SLC9A9: variants seen among roughly 807,000 people sequenced by gnomAD.
The protein encoded by SLC9A9 is sodium/hydrogen exchanger 9.
Under a neutral mutation model 77.8 loss-of-function variants are expected in SLC9A9, and 62 were observed. The ratio of observed to expected loss-of-function variants is 0.80; its 90% CI spans 0.65 to 0.98. The LOEUF (loss-of-function observed/expected upper bound fraction) is 0.98, where lower values mean the gene tolerates loss of function less well. Ranked by LOEUF, SLC9A9 falls within the 50% of genes least tolerant of loss-of-function variation. SLC9A9 has a pLI of 0.00. For missense variants in SLC9A9, 775 were observed against 774.9 expected, an observed-to-expected ratio of 1.00 and a Z score of 0.00; for synonymous variants, 320 against 283.5, an observed-to-expected ratio of 1.13 and a Z score of -1.29.
chr3:143,269,545 T>G (rs957451155), intron 14 of SLC9A9, among the ~76,000 whole-genome samples: 2 of 152,228 alleles, frequency 1.3e-5, no homozygotes, highest in African/African-American at 4.8e-5. Context: ...TTTATTCTGT[T>G]GTCTAGCACC....
In SLC9A9 at chr3:143,777,227, G is replaced by T. The variant is rs74578456; in HGVS notation, c.533+17774C>A. On this transcript the variant is annotated intron_variant, in intron 4 of 15. Coordinates refer to ENST00000316549, the MANE Select transcript of SLC9A9 (RefSeq NM_173653.4). ...TAAAACTGGACAATCAGAGTTACTC[G>T]AAGATCAGCTGCCTCAAATAAACTT... Among the ~76,000 whole-genome samples, 14 of 152,208 alleles carry T rather than the reference G, an allele frequency of 9.2e-5. No individual in the cohort carries two copies. In the South Asian group the frequency reaches 2.7e-3, roughly 29 times the overall value.
chr3:143,301,342 T>G (rs2030506243), intron 14 of SLC9A9, among the ~76,000 whole-genome samples: 1 of 152,228 alleles, frequency 6.6e-6, no homozygotes, highest in African/African-American at 2.4e-5. Context: ...TCCTCTTCTA[T>G]TCACACATAG....
chr3:143,826,549 CT>C (rs1559816582), intron 2 of SLC9A9, among the ~76,000 whole-genome samples: 2 of 152,146 alleles, frequency 1.3e-5, no homozygotes, highest in South Asian at 4.1e-4. Flanking sequence ...GCACACTATC[CT>C]TTTGCTTTTG....
chr3:143,411,927 A>C (rs1353022907), intron 12 of SLC9A9, among the ~76,000 whole-genome samples: 1 of 152,172 alleles, frequency 6.6e-6, no homozygotes, highest in Non-Finnish European at 1.5e-5. Flanking sequence ...GTGAACAACA[A>C]GCAGACAAAC....
chr3:143,691,095 G>A (rs556111927), intron 5 of SLC9A9, among the ~76,000 whole-genome samples: 1 of 152,214 alleles, frequency 6.6e-6, no homozygotes, highest in South Asian at 2.1e-4. Context: ...CTGTGGTTGA[G>A]CCTGAGATTT....
At chr3:143,283,675 C>A (rs945460603) in intron 14 of SLC9A9, among the ~76,000 whole-genome samples, 2 of 152,170 alleles carry the variant, frequency 1.3e-5, no homozygotes, top group African/African-American at 4.8e-5. Context: ...TGGTTTCAGG[C>A]CCAAGATCAA....
At chr3:143,639,012 C>T (rs908830271) in intron 6 of SLC9A9, among the ~76,000 whole-genome samples, 1 of 152,158 alleles carries the variant, frequency 6.6e-6, no homozygotes, top group Admixed American at 6.5e-5. Context: ...AGAAAAAATC[C>T]AGACTTGGTC....
intron 14 of SLC9A9, among the ~76,000 whole-genome samples, chr3:143,292,632 T>A (rs1028668309): frequency 6.6e-6 from 1 of 152,130 alleles, no homozygotes; most frequent in African/African-American, 2.4e-5. Flanking sequence ...TCCCTTCCTA[T>A]GGTAATAGGA....
chr3:143,666,708 G>T (rs1242046), intron 5 of SLC9A9, among the ~76,000 whole-genome samples: 50,212 of 151,994 alleles, frequency 0.33, 9,848 homozygotes, highest in African/African-American at 0.56. Flanking sequence ...GAGAGCCAAA[G>T]CATGAGTGAA....
chr3:143,386,299 T>TAC (rs1333076890), intron 12 of SLC9A9, among the ~76,000 whole-genome samples: 2 of 152,224 alleles, frequency 1.3e-5, no homozygotes, highest in Non-Finnish European at 2.9e-5. Context: ...GGGCAAGCTC[T>TAC]ACAGTATACA....
chr3:143,331,350 G>T (rs901796277), intron 14 of SLC9A9, among the ~76,000 whole-genome samples: 2 of 152,164 alleles, frequency 1.3e-5, no homozygotes, highest in African/African-American at 4.8e-5. Flanking sequence ...ACTCTGCAGG[G>T]CTGCCTTAAA....
At chr3:143,450,795 T>C (rs554698565) in intron 12 of SLC9A9, among the ~76,000 whole-genome samples, 46 of 152,184 alleles carry the variant, frequency 3.0e-4, no homozygotes, top group African/African-American at 1.1e-3. Context: ...CAGGCTGCAG[T>C]GGAGGCAGCA....
rs568499548 is a variant in SLC9A9 at position 143,633,409 on chromosome 3, A to T, written c.755+18846T>A. Reference sequence around the variant, plus strand: ...AATTTTTAAATAAATACTATTATACACTATACATTTTCAGAAACTTCGTTT... The same window carrying T: ...AATTTTTAAATAAATACTATTATACTCTATACATTTTCAGAAACTTCGTTT... On this transcript the variant is annotated intron_variant, in intron 6 of 15. Transcript: ENST00000316549. Among the ~76,000 whole-genome samples, 204 of 152,318 alleles carry T rather than the reference A, an allele frequency of 1.3e-3. 1 individual carries two copies. Among genetic ancestry groups the T allele is most frequent in the African/African-American group, 4.9e-3 (203 of 41,584 alleles).
At chr3:143,438,759 G>A (rs1407087269) in intron 12 of SLC9A9, among the ~76,000 whole-genome samples, 1 of 152,170 alleles carries the variant, frequency 6.6e-6, no homozygotes, top group Non-Finnish European at 1.5e-5. Flanking sequence ...AAGCCACATG[G>A]TTCTTGAGTG....
intron 5 of SLC9A9, among the ~76,000 whole-genome samples, chr3:143,654,838 T>C (rs922362447): frequency 6.6e-6 from 1 of 152,094 alleles, no homozygotes; most frequent in African/African-American, 2.4e-5. Context: ...CTCTGCCCTA[T>C]GGGGAAGACT....
chr3:143,376,589 ACTT>A (rs1330124369), intron 13 of SLC9A9, among the ~76,000 whole-genome samples: 10 of 152,226 alleles, frequency 6.6e-5, no homozygotes, highest in African/African-American at 1.4e-4. Context: ...GCCACCTTCC[ACTT>A]CTTCTTCCTT....
At chr3:143,814,086 G>A (rs988542162) in intron 2 of SLC9A9, among the ~76,000 whole-genome samples, 1 of 152,196 alleles carries the variant, frequency 6.6e-6, no homozygotes, top group South Asian at 2.1e-4. Context: ...AGCAGGGTTT[G>A]TGGGTAAAAT....
chr3:143,765,005 TTCTTTCTC>T (rs1414521913), intron 4 of SLC9A9, among the ~76,000 whole-genome samples: 6 of 149,168 alleles, frequency 4.0e-5, no homozygotes, highest in African/African-American at 1.0e-4. Context: ...CTTCCTTTCT[TTCTTTCTC>T]TCTTTCTCTT....
chr3:143,322,563 G>A (rs538685184), intron 14 of SLC9A9, among the ~76,000 whole-genome samples: 8 of 152,218 alleles, frequency 5.3e-5, no homozygotes, highest in Middle Eastern at 3.4e-3. Context: ...TAATCTCATT[G>A]GTTCTGTTTC....
Sources: gnomAD v4.1 joint callset for allele counts (sites outside exome capture counted in the v4.1 genomes callset) on GRCh38, gnomAD v4.1.1 for gene constraint, MANE v1.5 for transcripts, NCBI Gene and HGNC (gene_info 2026-07-23, HGNC 2026-07-21) for gene names.